CNTN4: variants seen among roughly 807,000 people sequenced by gnomAD.
CNTN4 encodes contactin 4.
CNTN4 carries 77 observed loss-of-function variants against 122.5 expected under a neutral mutation model. The observed-to-expected ratio is 0.63, with a 90% CI of 0.52 to 0.76. The LOEUF is 0.76. CNTN4 is among the 30% of genes least tolerant of loss of function. CNTN4 has a pLI of 0.00. For missense variants in CNTN4, 1,256 were observed against 1,259.1 expected, an observed-to-expected ratio of 1.00 and a Z score of 0.04; for synonymous variants, 512 against 447.0, an observed-to-expected ratio of 1.15 and a Z score of -1.83.
chr3:2,607,839 A>T (rs1559298431), intron 4 of CNTN4, among the ~76,000 whole-genome samples: 1 of 152,166 alleles, frequency 6.6e-6, no homozygotes, highest in South Asian at 2.1e-4. Flanking sequence ...GTAGGGTATC[A>T]ATTTATGATT....
intron 3 of CNTN4, among the ~76,000 whole-genome samples, chr3:2,473,666 T>G (rs1354397059): frequency 6.6e-6 from 1 of 152,132 alleles, no homozygotes; most frequent in Admixed American, 6.6e-5. Flanking sequence ...CAAAGATTAG[T>G]GGTCTCCCTT....
chr3:2,184,667 G>A (rs1438282426), intron 2 of CNTN4, among the ~76,000 whole-genome samples: 1 of 152,092 alleles, frequency 6.6e-6, no homozygotes, highest in Non-Finnish European at 1.5e-5. Flanking sequence ...GGGCTTGATG[G>A]GGCGAGTTAC....
intron 4 of CNTN4, among the ~76,000 whole-genome samples, chr3:2,715,477 G>A (rs2087436642): frequency 6.6e-6 from 1 of 152,154 alleles, no homozygotes; most frequent in Admixed American, 6.5e-5. Context: ...AACCCTTTAT[G>A]TAAAAAAGGG....
Position 2,932,271 on chromosome 3 carries a change from G to A in CNTN4, c.1358+6492G>A, listed in dbSNP as rs370571361. On this transcript the variant is annotated intron_variant, in intron 13 of 24. Coordinates refer to ENST00000418658, the MANE Select transcript of CNTN4 (RefSeq NM_175607.3). Reference sequence around the variant, plus strand: ...TGGGCGCCTGTAGTCCCAGCTACTCGGGAGGCTGAGGCAGGAGAATGGCGT... The same window carrying A: ...TGGGCGCCTGTAGTCCCAGCTACTCAGGAGGCTGAGGCAGGAGAATGGCGT... Among the ~76,000 whole-genome samples the A allele has an allele frequency of 1.0e-3, 155 of 152,228 alleles. 3 individuals are homozygous for A. In the South Asian group the frequency reaches 0.031, roughly 31 times the overall value.
In CNTN4 at chr3:2,359,010, AAT is replaced by A. The variant is rs528737190; in HGVS notation, c.-89+19780_-89+19781del. ...GTTAGGTGCTACTGGTAGATTTATA[AAT>A]ATGTCATAGTTATATCAAATATTTT... On this transcript the variant is annotated intron_variant, in intron 3 of 24. Coordinates refer to ENST00000418658, the MANE Select transcript of CNTN4 (RefSeq NM_175607.3). Among the ~76,000 whole-genome samples the A allele has an allele frequency of 1.4e-3, 212 of 152,278 alleles. 1 individual carries two copies. The highest frequency in any genetic ancestry group is 0.01 in the Middle Eastern group (3 of 294).
chr3:2,227,892 A>G (rs560670742), intron 2 of CNTN4, among the ~76,000 whole-genome samples: 10 of 152,256 alleles, frequency 6.6e-5, no homozygotes, highest in East Asian at 5.8e-4. Flanking sequence ...AAAATAAGCA[A>G]TATGTTTAAC....
chr3:2,167,769 C>T (rs2036267147), intron 2 of CNTN4, among the ~76,000 whole-genome samples: 1 of 152,126 alleles, frequency 6.6e-6, no homozygotes, highest in East Asian at 1.9e-4. Context: ...TCACCCTGGC[C>T]CATTTTAATA....
intron 3 of CNTN4, among the ~76,000 whole-genome samples, chr3:2,486,077 T>A (rs543043908): frequency 6.6e-6 from 1 of 152,138 alleles, no homozygotes; most frequent in South Asian, 2.1e-4. Context: ...CTGCAGCTTC[T>A]CTCCTGAGGC....
In CNTN4 at chr3:2,670,661, A is replaced by G. The variant is rs565732304; in HGVS notation, c.56-65554A>G. On this transcript the variant is annotated intron_variant, in intron 4 of 24. Coordinates refer to ENST00000418658, the MANE Select transcript of CNTN4 (RefSeq NM_175607.3). ...ATGATGTTAGCTGGTTAGTTTGCTC[A>G]GTAGTTGATGCAGTTTCTTCCTAGC... Among the ~76,000 whole-genome samples, 9 of 152,286 alleles carry G rather than the reference A, an allele frequency of 5.9e-5. No homozygotes were observed. The East Asian group carries it at 1.4e-3, about 23-fold the overall frequency.
chr3:2,382,317 G>A (rs890584518), intron 3 of CNTN4, among the ~76,000 whole-genome samples: 10 of 151,500 alleles, frequency 6.6e-5, no homozygotes, highest in African/African-American at 2.4e-4. Context: ...TTACAGGCGC[G>A]CTGTAATTTT....
chr3:2,665,278 A>T (rs187234120), intron 4 of CNTN4, among the ~76,000 whole-genome samples: 29 of 152,262 alleles, frequency 1.9e-4, no homozygotes, highest in Admixed American at 9.8e-4. Flanking sequence ...ACGTTAGTGG[A>T]GTTTGAAGCT....
At chr3:2,846,475 C>A (rs1243182096) in intron 7 of CNTN4, among the ~76,000 whole-genome samples, 1 of 152,170 alleles carries the variant, frequency 6.6e-6, no homozygotes, top group East Asian at 1.9e-4. Flanking sequence ...AAACCTCTTT[C>A]CTTTATAAAT....
At chr3:2,171,042 C>A (rs2036480867) in intron 2 of CNTN4, among the ~76,000 whole-genome samples, 1 of 152,110 alleles carries the variant, frequency 6.6e-6, no homozygotes, top group African/African-American at 2.4e-5. Flanking sequence ...CTTCCTCAGC[C>A]TGATTTTAGT....
intron 3 of CNTN4, among the ~76,000 whole-genome samples, chr3:2,446,416 T>G (rs2048627643): frequency 6.6e-6 from 1 of 152,192 alleles, no homozygotes; most frequent in South Asian, 2.1e-4. Context: ...TTCTCTTCTA[T>G]AGCCTCCAGA....
intron 2 of CNTN4, among the ~76,000 whole-genome samples, chr3:2,319,903 C>T (rs1280744786): frequency 1.3e-5 from 2 of 152,124 alleles, no homozygotes; most frequent in African/African-American, 4.8e-5. Context: ...AATAGTAATA[C>T]ATGTATAGCC....
intron 13 of CNTN4, among the ~76,000 whole-genome samples, chr3:2,949,815 A>G (rs1321360207): frequency 1.3e-5 from 2 of 152,196 alleles, no homozygotes; most frequent in Admixed American, 6.5e-5. Flanking sequence ...TATTTTAGTT[A>G]CTTACAATAC....
chr3:2,765,812 A>T lies in CNTN4; in HGVS notation c.358+20115A>T, dbSNP rs79980569. ...TTCATATGCCAAGAAATACATAGCA[A>T]GTAATAACCTAAAACTGATCAAAAT... On this transcript the variant is annotated intron_variant, in intron 6 of 24. Transcript: ENST00000418658. Among the ~76,000 whole-genome samples the T allele has an allele frequency of 6.2e-3, 948 of 152,318 alleles. 13 individuals carry two copies. Among genetic ancestry groups the T allele is most frequent in the African/African-American group, 0.022 (903 of 41,576 alleles).
At chr3:2,643,687 G>A (rs1276538802) in intron 4 of CNTN4, among the ~76,000 whole-genome samples, 1 of 152,174 alleles carries the variant, frequency 6.6e-6, no homozygotes, top group African/African-American at 2.4e-5. Context: ...GATAGTGATA[G>A]GAGCTATAAA....
In CNTN4 at chr3:2,627,712, C is replaced by T. The variant is rs559322626; in HGVS notation, c.55+56154C>T. ...GTTTCACCGTGTTAGCCAGGATGGT[C>T]TCGATCTCCTGACCTTGTGATCTGC... On this transcript the variant is annotated intron_variant, in intron 4 of 24. Transcript: ENST00000418658. 1.2e-3 allele frequency among the ~76,000 whole-genome samples: 176 copies of T among 152,098 alleles called. 1 individual carries two copies. The highest frequency in any genetic ancestry group is 4.0e-3 in the African/African-American group (165 of 41,488).
Sources: allele counts gnomAD v4.1 joint callset (sites outside exome capture counted in the v4.1 genomes callset), GRCh38; gene constraint gnomAD v4.1.1; transcripts MANE v1.5; gene names NCBI Gene and HGNC (gene_info 2026-07-23, HGNC 2026-07-21).